Variants in PTPRT observed in about 807,000 individuals in gnomAD.
PTPRT encodes protein tyrosine phosphatase receptor type T.
PTPRT carries 56 observed loss-of-function variants against 176.8 expected under a neutral mutation model. The observed-to-expected ratio is 0.32, with a 90% confidence interval of 0.26 to 0.40. The LOEUF (loss-of-function observed/expected upper bound fraction) is 0.40. Among genes scored for constraint, PTPRT ranks in the 10% least tolerant of loss-of-function variants. The pLI, the probability that PTPRT is intolerant of heterozygous loss-of-function variation, is 1.00. For missense variants in PTPRT, 1,540 were observed against 1,908.2 expected (o/e 0.81, Z 3.60); for synonymous variants, 783 against 739.0 (o/e 1.06, Z -0.96).
chr20:42,226,183 A>G (rs945213428), intron 15 of PTPRT, among the ~76,000 whole-genome samples: 1 of 152,238 alleles, frequency 6.6e-6, no homozygotes, highest in African/African-American at 2.4e-5. Context: ...ATTTCTTACT[A>G]AAGACTCAAC....
At position 42,212,436 on chromosome 20, in the gene PTPRT, A is replaced by C. The variant is rs1287966990; in HGVS notation, c.2343-13048T>G. On this transcript the variant is annotated intron_variant, in intron 15 of 30. Coordinates refer to ENST00000373187, the MANE Select transcript of PTPRT (RefSeq NM_007050.6). ...TTTCTCAAAAAAAAAAAAAAAAAAA[A>C]AGAATCAATAGTGTAAATAGGGATA... 2.0e-5 allele frequency among the ~76,000 whole-genome samples: 3 copies of C among 148,810 alleles called. No homozygotes were observed. The East Asian group carries it at 5.8e-4, about 29-fold the overall frequency.
At chr20:42,724,672 C>G (rs1416257771) in intron 6 of PTPRT, among the ~76,000 whole-genome samples, 1 of 152,160 alleles carries the variant, frequency 6.6e-6, no homozygotes, top group Non-Finnish European at 1.5e-5. Context: ...GTAACTCATG[C>G]TTGTAATCCC....
chr20:43,052,332 A>G (rs1987081016), intron 1 of PTPRT, among the ~76,000 whole-genome samples: 1 of 152,262 alleles, frequency 6.6e-6, no homozygotes, highest in Admixed American at 6.5e-5. Flanking sequence ...ATCACGTGCT[A>G]TCTATAATAA....
At chr20:42,415,879 C>G (rs1178258042) in intron 9 of PTPRT, among the ~76,000 whole-genome samples, 1 of 152,082 alleles carries the variant, frequency 6.6e-6, no homozygotes, top group Non-Finnish European at 1.5e-5. Context: ...TAAGAGACCT[C>G]TATATATTGA....
chr20:42,908,161 G>C (rs578071643), intron 1 of PTPRT, among the ~76,000 whole-genome samples: 119 of 152,088 alleles, frequency 7.8e-4, no homozygotes, highest in African/African-American at 2.8e-3. Context: ...CAAGAGAACG[G>C]GGGATAAGCA....
chr20:42,366,815 T>C (rs2058521130), intron 9 of PTPRT, among the ~76,000 whole-genome samples: 1 of 152,192 alleles, frequency 6.6e-6, no homozygotes, highest in Non-Finnish European at 1.5e-5. Context: ...TGTCCTAAGC[T>C]GGGGATTGCA....
In PTPRT at chr20:42,631,337, G is replaced by C. The variant is rs74820436; in HGVS notation, c.1153+46529C>G. ...GAGCTATATGTAATTAGTTAAAAAT[G>C]TTCCTGAAGACTTAAATCAAGATAA... On this transcript the variant is annotated intron_variant, in intron 7 of 30. Transcript: ENST00000373187. 1.9e-3 allele frequency among the ~76,000 whole-genome samples: 295 copies of C among 152,198 alleles called. 5 individuals carry two copies. The highest frequency in any genetic ancestry group is 0.012 in the East Asian group (64 of 5,178).
intron 11 of PTPRT, among the ~76,000 whole-genome samples, chr20:42,345,262 G>GT (rs375064236): frequency 6.6e-6 from 1 of 151,760 alleles, no homozygotes; most frequent in Non-Finnish European, 1.5e-5. Context: ...TATGTGTTCA[G>GT]TGGCAGTCAT....
chr20:42,138,773 T>G lies in PTPRT; in HGVS notation c.2770+3142A>C, dbSNP rs868337657. Among the ~76,000 whole-genome samples the G allele has an allele frequency of 9.2e-5, 14 of 152,214 alleles. No individual in the cohort carries two copies. The South Asian group carries it at 2.5e-3, about 27-fold the overall frequency. The stretch of plus-strand genomic sequence containing the variant: ...CATTTACACTCCCTAGAAACCCCAC[T>G]GTCTCTATTACTAAATTCTAAATAG... On this transcript the variant is annotated intron_variant, in intron 18 of 30. Coordinates refer to ENST00000373187, the MANE Select transcript of PTPRT (RefSeq NM_007050.6).
intron 15 of PTPRT, among the ~76,000 whole-genome samples, chr20:42,233,701 A>AAG (rs2056181750): frequency 6.6e-6 from 1 of 152,150 alleles, no homozygotes; most frequent in Non-Finnish European, 1.5e-5. Context: ...TATAGAAGGC[A>AAG]GGCTATTTGC....
intron 1 of PTPRT, among the ~76,000 whole-genome samples, chr20:42,966,903 A>C (rs1408261780): frequency 6.6e-6 from 1 of 152,218 alleles, no homozygotes; most frequent in African/African-American, 2.4e-5. Flanking sequence ...CTCCGCAAAT[A>C]ACAGTCACTT....
chr20:42,857,309 C>G (rs2078581357), intron 2 of PTPRT, among the ~76,000 whole-genome samples: 1 of 152,178 alleles, frequency 6.6e-6, no homozygotes, highest in Non-Finnish European at 1.5e-5. Flanking sequence ...ACATCTGTTT[C>G]CAAGAGTTTC....
At chr20:42,349,848 T>G (rs1351904454) in intron 11 of PTPRT, among the ~76,000 whole-genome samples, 1 of 152,226 alleles carries the variant, frequency 6.6e-6, no homozygotes, top group Non-Finnish European at 1.5e-5. Flanking sequence ...CCCACGCTCC[T>G]GATATCATGA....
At chr20:42,503,023 T>C (rs568420264) in intron 7 of PTPRT, among the ~76,000 whole-genome samples, 1 of 152,228 alleles carries the variant, frequency 6.6e-6, no homozygotes, top group South Asian at 2.1e-4. Flanking sequence ...CTTTTAATAT[T>C]AGCTGTATGT....
chr20:42,779,462 C>T (rs1370635351), intron 4 of PTPRT, among the ~76,000 whole-genome samples: 1 of 152,148 alleles, frequency 6.6e-6, no homozygotes, highest in Non-Finnish European at 1.5e-5. Context: ...GGTATCCCTC[C>T]CAGGGTCTGC....
intron 15 of PTPRT, among the ~76,000 whole-genome samples, chr20:42,206,264 G>A (rs2055456783): frequency 6.6e-6 from 1 of 152,154 alleles, no homozygotes. Flanking sequence ...AATCAATAGT[G>A]TAGCAGGGGG....
chr20:42,087,636 G>A (rs1339322883), intron 27 of PTPRT, among the ~76,000 whole-genome samples: 2 of 150,422 alleles, frequency 1.3e-5, no homozygotes, highest in East Asian at 4.1e-4. Context: ...AGCACTTTGG[G>A]AGGCCAAGGT....
At chr20:42,567,410 C>A (rs2073060568) in intron 7 of PTPRT, among the ~76,000 whole-genome samples, 2 of 152,218 alleles carry the variant, frequency 1.3e-5, no homozygotes, top group South Asian at 2.1e-4. Context: ...TTCTCTTCAC[C>A]TGTAAAGCTC....
At chr20:42,963,682 G>A (rs1251776209) in intron 1 of PTPRT, among the ~76,000 whole-genome samples, 3 of 151,992 alleles carry the variant, frequency 2.0e-5, no homozygotes. Context: ...TAACAACTGA[G>A]AAAATGAGTA....
Sources: gnomAD v4.1 joint callset for allele counts (sites outside exome capture counted in the v4.1 genomes callset) on GRCh38, gnomAD v4.1.1 for gene constraint, MANE v1.5 for transcripts, NCBI Gene and HGNC (gene_info 2026-07-23, HGNC 2026-07-21) for gene names.